The following EFHD2 variants were observed in gnomAD, a reference collection of about 807,000 sequenced individuals.
EFHD2 encodes the protein EF-hand domain-containing protein D2.
EFHD2 carries 12 observed loss-of-function variants against 20.3 expected under a neutral mutation model. The observed-to-expected ratio is 0.59, with a 90% CI of 0.38 to 0.96. EFHD2 has a LOEUF of 0.96. Among genes scored for constraint, EFHD2 ranks in the 40% least tolerant of loss-of-function variants. The pLI is 0.00. For synonymous variants in EFHD2, 131 were observed against 143.9 expected (o/e 0.91, Z 0.64); for missense variants, 250 against 334.3 (o/e 0.75, Z 1.97).
chr1:15,414,085 C>G (rs971135266), intron 1 of EFHD2, among the ~76,000 whole-genome samples: 2 of 152,182 alleles, frequency 1.3e-5, no homozygotes, highest in Non-Finnish European at 2.9e-5. Context: ...TAAGTTGAGA[C>G]CTGCTGGAAA....
chr1:15,427,676 C>G (rs77325051), intron 3 of EFHD2, among the ~76,000 whole-genome samples: 5,333 of 152,266 alleles, frequency 0.035, 329 homozygotes, highest in African/African-American at 0.12. Context: ...AGGAAGCCTG[C>G]GGGCTCAGAG....
rs1236237762 is a variant in EFHD2 at position 15,417,992 on chromosome 1, T to C, written c.308+7713T>C. Among the ~76,000 whole-genome samples the C allele has an allele frequency of 7.0e-4, 98 of 140,966 alleles. 1 individual carries two copies. The highest frequency in any genetic ancestry group is 2.4e-3 in the African/African-American group (92 of 38,242). The allele number at this position is 140,966 out of a possible 152,430, so 92.5% of individuals were successfully genotyped here. A position where few individuals can be genotyped will look rare whatever the true frequency, so the allele number is the denominator to read the frequency against. On this transcript the variant is annotated intron_variant, in intron 1 of 3. Transcript: ENST00000375980. Reference sequence around the variant, plus strand: ...CTTTCTTTCTTTTTCTTTTTTTTTTTTTTTTTTTTTTTTTTGAGACAGAGT... The same window carrying C: ...CTTTCTTTCTTTTTCTTTTTTTTTTCTTTTTTTTTTTTTTTGAGACAGAGT...
chr1:15,428,052 T>A (rs747866693), intron 3 of EFHD2: 3 of 463,964 alleles, frequency 6.5e-6, no homozygotes, highest in Non-Finnish European at 9.0e-6. Context: ...AAGATCAGAG[T>A]TATTGGGTGC....
chr1:15,417,119 G>T (rs975541848), intron 1 of EFHD2, among the ~76,000 whole-genome samples: 1 of 152,160 alleles, frequency 6.6e-6, no homozygotes, highest in South Asian at 2.1e-4. Context: ...CCCATAATCC[G>T]CACTGTAACC....
rs1707933273 is a variant in EFHD2, at chr1:15,429,595, G to A, written c.*871G>A. On this transcript the variant is annotated 3_prime_UTR_variant, in exon 4 of 4. Coordinates refer to ENST00000375980, the MANE Select transcript of EFHD2 (RefSeq NM_024329.6). ...GAAGAATTGGCACCTTCCTAGGGAA[G>A]GAGACGAGCGCTTCGCCTTGATTCT... 2.0e-5 allele frequency: 3 copies of A among 152,704 alleles called. No homozygotes were observed. The highest frequency in any genetic ancestry group is 1.3e-4 in the Admixed American group (2 of 15,296). The allele number at this position is 152,704 out of a possible 1,614,324, so 9.5% of individuals were successfully genotyped here.
chr1:15,417,450 G>T (rs548800897), intron 1 of EFHD2, among the ~76,000 whole-genome samples: 1 of 152,278 alleles, frequency 6.6e-6, no homozygotes, highest in South Asian at 2.1e-4. Context: ...TGAACTCCAG[G>T]TTAGGATGCC....
Position 15,427,216 on chromosome 1 carries a change from G to A in EFHD2, c.523G>A (p.Ala175Thr), listed in dbSNP as rs1371735410. 17 of 1,600,624 alleles carry A rather than the reference G, an allele frequency of 1.1e-5. No individual in the cohort carries two copies. Among genetic ancestry groups the A allele is most frequent in the Admixed American group, 1.7e-5 (1 of 57,184 alleles). The change falls in exon 3 of 4, where the codon GCC (alanine) becomes ACC (threonine). Residue 175 changes from alanine (A) to threonine (T), a missense_variant. By Grantham distance (58) the Ala-to-Thr change is moderately conservative. Transcript: ENST00000375980. ...GGAGGACAGCGGGCTGTGCGTGCTG[G>A]CCCGCCTCTCTGAGATCGACGTCTC... ...LQEDSGLCVL[A>T]RLSEIDVSSE...
At chr1:15,427,413 A>G in intron 3 of EFHD2, 129 bp downstream of exon 3, 3 of 1,436,570 alleles carry the variant, frequency 2.1e-6, no homozygotes, top group Non-Finnish European at 2.8e-6. Context: ...ACTCCCTGCC[A>G]GGCTGGGCCA....
At chr1:15,425,734 C>T in intron 1 of EFHD2, 137 bp from the exon 2 acceptor site, 3 of 1,267,222 alleles carry the variant, frequency 2.4e-6, no homozygotes, top group Non-Finnish European at 3.2e-6. Context: ...TCTGCCTGGA[C>T]TGAGGTCCCT....
intron 1 of EFHD2, among the ~76,000 whole-genome samples, chr1:15,416,416 A>T (rs1309635551): frequency 2.6e-5 from 4 of 152,184 alleles, no homozygotes; most frequent in Non-Finnish European, 4.4e-5. Flanking sequence ...CTGCCGGGCA[A>T]CCTTCTCCTT....
chr1:15,414,152 T>A (rs1707605590), intron 1 of EFHD2, among the ~76,000 whole-genome samples: 1 of 152,212 alleles, frequency 6.6e-6, no homozygotes, highest in Non-Finnish European at 1.5e-5. Flanking sequence ...ATGCCCTAGA[T>A]CCCTGTCTCC....
intron 1 of EFHD2, among the ~76,000 whole-genome samples, chr1:15,414,126 G>A (rs908132711): frequency 6.6e-6 from 1 of 152,184 alleles, no homozygotes; most frequent in Non-Finnish European, 1.5e-5. Context: ...TGAACCTGCC[G>A]TGGAATCTGA....
chr1:15,414,315 T>C (rs1420499044), intron 1 of EFHD2, among the ~76,000 whole-genome samples: 1 of 152,144 alleles, frequency 6.6e-6, no homozygotes, highest in Non-Finnish European at 1.5e-5. Context: ...TCTCCACACC[T>C]CCACCTCCAG....
chr1:15,425,846 A>G (rs753374918), intron 1 of EFHD2, 25 bp from the exon 2 acceptor site: 1 of 1,602,508 alleles, frequency 6.2e-7, no homozygotes, highest in Non-Finnish European at 8.5e-7. Context: ...CAGTGCCAAG[A>G]TGTCCTCTCT....
At chr1:15,411,711 C>T (rs967783754) in intron 1 of EFHD2, among the ~76,000 whole-genome samples, 3 of 152,184 alleles carry the variant, frequency 2.0e-5, no homozygotes, top group Admixed American at 2.0e-4. Context: ...TCTAGCCCCA[C>T]CTGGCACAGG....
intron 1 of EFHD2, among the ~76,000 whole-genome samples, chr1:15,420,234 C>T (rs960405179): frequency 4.6e-5 from 7 of 152,210 alleles, no homozygotes; most frequent in African/African-American, 1.7e-4. Context: ...CACACACAAA[C>T]TTCTCAATAT....
At chr1:15,414,285 C>G (rs762506691) in intron 1 of EFHD2, among the ~76,000 whole-genome samples, 4 of 152,220 alleles carry the variant, frequency 2.6e-5, no homozygotes, top group Non-Finnish European at 5.9e-5. Flanking sequence ...TGCACAAGCT[C>G]TGGAAGCCTC....
chr1:15,410,127 C>T lies in EFHD2; in HGVS notation c.156C>T (p.Asp52=). The T allele has an allele frequency of 6.3e-7, 1 of 1,581,170 alleles. No homozygotes were observed. The highest frequency in any genetic ancestry group is 8.6e-7 in the Non-Finnish European group (1 of 1,167,152). Residue 52 remains aspartate, a synonymous_variant, in exon 1 of 4, where the codon GAC becomes GAT. Coordinates refer to ENST00000375980, the MANE Select transcript of EFHD2 (RefSeq NM_024329.6). ...DEAAEALGSA[D]CELSAKLLRR... is the part of the protein sequence containing the mutation. ...CGGCCGAGGCGCTGGGCAGCGCGGACTGCGAGCTGAGCGCCAAGCTGCTGC... is the reference window on the plus strand; with the variant it reads ...CGGCCGAGGCGCTGGGCAGCGCGGATTGCGAGCTGAGCGCCAAGCTGCTGC...
At chr1:15,417,603 TTAGCTGAAC>T (rs1229388414) in intron 1 of EFHD2, among the ~76,000 whole-genome samples, 1 of 152,182 alleles carries the variant, frequency 6.6e-6, no homozygotes, top group Admixed American at 6.5e-5. Flanking sequence ...CATACCCCAC[TTAGCTGAAC>T]TAGGGCAAGA....
Sources: gnomAD v4.1 joint callset for allele counts (sites outside exome capture counted in the v4.1 genomes callset) on GRCh38, gnomAD v4.1.1 for gene constraint, MANE v1.5 for transcripts, NCBI Gene and HGNC (gene_info 2026-07-23, HGNC 2026-07-21) for gene names.